EPM2A: variants seen among roughly 807,000 people sequenced by gnomAD.
The protein encoded by EPM2A is laforin.
A neutral mutation model predicts 26.5 loss-of-function variants in EPM2A; 21 were observed. That is an observed-to-expected ratio of 0.79 (90% CI 0.56 to 1.14). The LOEUF (loss-of-function observed/expected upper bound fraction) is 1.14. EPM2A is among the 50% of genes most tolerant of loss of function. The pLI is 0.00. For synonymous variants in EPM2A, 217 were observed against 177.6 expected, an observed-to-expected ratio of 1.22 and a Z score of -1.76; for missense variants, 458 against 440.8, an observed-to-expected ratio of 1.04 and a Z score of -0.35.
At chr6:145,550,601 T>C (rs1780642069) in intron 2 of EPM2A, among the ~76,000 whole-genome samples, 2 of 152,034 alleles carry the variant, frequency 1.3e-5, no homozygotes, top group Admixed American at 1.3e-4. Context: ...ATGACACCAG[T>C]TCATACTGTG....
At chr6:145,676,022 G>A (rs1780010944) in intron 2 of EPM2A, among the ~76,000 whole-genome samples, 2 of 152,096 alleles carry the variant, frequency 1.3e-5, no homozygotes, top group Non-Finnish European at 2.9e-5. Context: ...CCACATAATT[G>A]GAAGTAAAGC....
chr6:145,504,997 A>G (rs1330934654), intron 2 of EPM2A, among the ~76,000 whole-genome samples: 14 of 114,514 alleles, frequency 1.2e-4, no homozygotes. Flanking sequence ...TCGCAAGAAC[A>G]AAAAACCAAA....
intron 1 of EPM2A, among the ~76,000 whole-genome samples, chr6:145,725,395 T>A (rs147674693): frequency 9.0e-4 from 137 of 152,160 alleles, no homozygotes; most frequent in African/African-American, 3.1e-3. Flanking sequence ...CTTACAATGC[T>A]GAGTAGTCTT....
At chr6:145,611,778 C>A (rs1775396811) in intron 2 of EPM2A, among the ~76,000 whole-genome samples, 1 of 152,012 alleles carries the variant, frequency 6.6e-6, no homozygotes, top group South Asian at 2.1e-4. Context: ...GGAAGAAGAA[C>A]TGGTGGTCAC....
At chr6:145,731,414 T>A (rs1776479331) in intron 1 of EPM2A, among the ~76,000 whole-genome samples, 1 of 152,092 alleles carries the variant, frequency 6.6e-6, no homozygotes, top group African/African-American at 2.4e-5. Flanking sequence ...AAAAAAGCCA[T>A]CCTGAAAAAA....
At chr6:145,418,060 G>A (rs570848597) in intron 4 of EPM2A, among the ~76,000 whole-genome samples, 1 of 152,254 alleles carries the variant, frequency 6.6e-6, no homozygotes, top group East Asian at 1.9e-4. Flanking sequence ...ACTTCATTCA[G>A]ATTCATGAGA....
At chr6:145,466,924 A>T (rs1488517431) in intron 4 of EPM2A, among the ~76,000 whole-genome samples, 2 of 152,162 alleles carry the variant, frequency 1.3e-5, no homozygotes, top group East Asian at 3.9e-4. Flanking sequence ...ATTCTCACTC[A>T]TAGGTGGGAA....
At chr6:145,598,226 C>T (rs1447082604) in intron 2 of EPM2A, among the ~76,000 whole-genome samples, 2 of 152,152 alleles carry the variant, frequency 1.3e-5, no homozygotes, top group Non-Finnish European at 2.9e-5. Context: ...TACAACCTCA[C>T]CAGCATCTGT....
At chr6:145,652,616 C>A (rs137940609) in intron 2 of EPM2A, among the ~76,000 whole-genome samples, 1 of 151,872 alleles carries the variant, frequency 6.6e-6, no homozygotes, top group Non-Finnish European at 1.5e-5. Flanking sequence ...CTAGAACACT[C>A]CCCTCATATT....
intron 4 of EPM2A, among the ~76,000 whole-genome samples, chr6:145,407,625 G>T (rs1044497035): frequency 6.6e-6 from 1 of 152,130 alleles, no homozygotes; most frequent in Non-Finnish European, 1.5e-5. Context: ...ATGCCATTTA[G>T]CAGCTTTTTC....
At chr6:145,523,828 C>T (rs1030661151) in intron 2 of EPM2A, among the ~76,000 whole-genome samples, 2 of 152,042 alleles carry the variant, frequency 1.3e-5, no homozygotes, top group African/African-American at 4.8e-5. Flanking sequence ...GCAGGTTTGT[C>T]ACATGGGTAT....
intron 2 of EPM2A, among the ~76,000 whole-genome samples, chr6:145,610,738 T>C (rs1404678004): frequency 6.6e-6 from 1 of 152,232 alleles, no homozygotes; most frequent in Non-Finnish European, 1.5e-5. Flanking sequence ...TAAATATTGA[T>C]ATCCTTCTTC....
At chr6:145,711,747 T>C (rs568078119) in intron 1 of EPM2A, among the ~76,000 whole-genome samples, 3 of 152,288 alleles carry the variant, frequency 2.0e-5, no homozygotes, top group East Asian at 3.9e-4. Flanking sequence ...GTTGATATCA[T>C]TTTTCATTGG....
chr6:145,509,154 G>C (rs973697224), intron 2 of EPM2A, among the ~76,000 whole-genome samples: 2 of 152,102 alleles, frequency 1.3e-5, no homozygotes, highest in Non-Finnish European at 2.9e-5. Flanking sequence ...TAAGCAACTT[G>C]GAAAACATAT....
intron 2 of EPM2A, among the ~76,000 whole-genome samples, chr6:145,562,128 G>GAAAA (rs71028361): frequency 7.4e-6 from 1 of 135,414 alleles, no homozygotes; most frequent in African/African-American, 2.7e-5. Flanking sequence ...TTACAAAAAG[G>GAAAA]AAAAAAAAAA....
At chr6:145,659,312 T>C (rs937523876) in intron 2 of EPM2A, among the ~76,000 whole-genome samples, 8 of 152,182 alleles carry the variant, frequency 5.3e-5, no homozygotes, top group Non-Finnish European at 1.0e-4. Context: ...CAATACTCTA[T>C]GAAACTTTAT....
At chr6:145,504,232 A>G (rs999663867) in intron 2 of EPM2A, among the ~76,000 whole-genome samples, 8 of 122,700 alleles carry the variant, frequency 6.5e-5, no homozygotes, top group Non-Finnish European at 1.0e-4. Context: ...ACAAAAGCCA[A>G]AATTGACAAA....
chr6:145,469,086 T>C (rs1470546784), intron 4 of EPM2A, among the ~76,000 whole-genome samples: 2 of 152,214 alleles, frequency 1.3e-5, no homozygotes, highest in East Asian at 3.9e-4. Flanking sequence ...CAGTTTCACA[T>C]GGCTGGAGAA....
rs1780895150 is a variant in EPM2A, at chr6:145,686,173, G to T, written c.425C>A (p.Thr142Lys). The T allele has an allele frequency of 6.2e-7, 1 of 1,613,852 alleles. No homozygotes were observed. The highest frequency in any genetic ancestry group is 1.3e-5 in the African/African-American group (1 of 74,926). The change falls in exon 2 of 4, where the codon ACA becomes AAA. Residue 142 changes from threonine (T) to lysine (K), a missense_variant. Transcript: ENST00000367519. ...ATGHTNEMKH[T>K]TDFYFNIAGH... ...TGCAATATTAAAATAGAAGTCTGTTGTGTGCTTCATTTCATTGGTGTGCCC... is the reference window on the plus strand; with the variant it reads ...TGCAATATTAAAATAGAAGTCTGTTTTGTGCTTCATTTCATTGGTGTGCCC...
Sources: allele counts gnomAD v4.1 joint callset (sites outside exome capture counted in the v4.1 genomes callset), GRCh38; gene constraint gnomAD v4.1.1; transcripts MANE v1.5; gene names NCBI Gene and HGNC (gene_info 2026-07-23, HGNC 2026-07-21).